STARD13: variants seen among roughly 807,000 people sequenced by gnomAD.
The protein encoded by STARD13 is stAR-related lipid transfer protein 13.
A neutral mutation model predicts 106.4 loss-of-function variants in STARD13; 62 were observed. The observed-to-expected ratio is 0.58, with a 90% confidence interval of 0.48 to 0.72. STARD13 has a LOEUF of 0.72. Ranked by LOEUF, STARD13 falls within the 30% of genes least tolerant of loss-of-function variation. STARD13 has a pLI of 0.00. For missense variants in STARD13, 1,387 were observed against 1,424.0 expected, an observed-to-expected ratio of 0.97 and a Z score of 0.42; for synonymous variants, 565 against 553.0, an observed-to-expected ratio of 1.02 and a Z score of -0.31.
At chr13:33,644,263 C>T in the STARD13 span, among the ~76,000 whole-genome samples, 2 of 152,230 alleles carry the variant, frequency 1.3e-5, no homozygotes, top group Non-Finnish European at 2.9e-5. Flanking sequence ...ACAACACTAA[C>T]ATCTTTCTAG....
chr13:33,385,367 A>G, the STARD13 span, among the ~76,000 whole-genome samples: 1 of 147,496 alleles, frequency 6.8e-6, no homozygotes, highest in South Asian at 2.1e-4. Context: ...CAGCTGTCCT[A>G]AACTGTGAGC....
the STARD13 span, among the ~76,000 whole-genome samples, chr13:33,428,178 A>C: frequency 6.6e-6 from 1 of 152,208 alleles, no homozygotes; most frequent in African/African-American, 2.4e-5. Flanking sequence ...AAAATGACTT[A>C]ATATGGATTA....
At chr13:33,372,747 G>A in the STARD13 span, among the ~76,000 whole-genome samples, 1 of 151,570 alleles carries the variant, frequency 6.6e-6, no homozygotes, top group Non-Finnish European at 1.5e-5. Flanking sequence ...AAAGGCCAGA[G>A]GGTGAGAAAG....
the STARD13 span, among the ~76,000 whole-genome samples, chr13:33,475,422 T>C: frequency 6.6e-6 from 1 of 152,208 alleles, no homozygotes; most frequent in African/African-American, 2.4e-5. Context: ...ACTCATTTTG[T>C]GTCCTACGCA....
chr13:33,606,227 G>A, the STARD13 span, among the ~76,000 whole-genome samples: 6 of 152,120 alleles, frequency 3.9e-5, no homozygotes, highest in Non-Finnish European at 8.8e-5. Flanking sequence ...CTTGGACTCC[G>A]GAGGTGGAGG....
the STARD13 span, among the ~76,000 whole-genome samples, chr13:33,611,768 ACTT>A: frequency 6.6e-6 from 1 of 152,204 alleles, no homozygotes; most frequent in Non-Finnish European, 1.5e-5. Context: ...TGAAATAAAA[ACTT>A]CTTAACTGAG....
chr13:33,424,862 C>A, the STARD13 span, among the ~76,000 whole-genome samples: 1 of 152,126 alleles, frequency 6.6e-6, no homozygotes, highest in African/African-American at 2.4e-5. Flanking sequence ...CAATGTTACT[C>A]AAAATAGACA....
chr13:33,362,281 G>A, the STARD13 span, among the ~76,000 whole-genome samples: 15 of 152,104 alleles, frequency 9.9e-5, no homozygotes, highest in South Asian at 4.1e-4. Context: ...GACAACCAGC[G>A]CTTGTGTGAA....
intron 1 of STARD13, among the ~76,000 whole-genome samples, chr13:33,312,755 T>G (rs1893190175): frequency 6.6e-6 from 1 of 152,206 alleles, no homozygotes; most frequent in South Asian, 2.1e-4. Flanking sequence ...GAAACTCTGC[T>G]GATTGAGTAT....
chr13:33,563,169 G>T, the STARD13 span, among the ~76,000 whole-genome samples: 1 of 146,528 alleles, frequency 6.8e-6, no homozygotes, highest in African/African-American at 2.6e-5. Context: ...GCAGCTCACA[G>T]ATCCAATTCA....
chr13:33,385,500 A>C, the STARD13 span, among the ~76,000 whole-genome samples: 343 of 147,236 alleles, frequency 2.3e-3, 1 homozygote, highest in African/African-American at 8.4e-3. Flanking sequence ...AATGACCAGC[A>C]TTTTTACCTG....
intron 1 of STARD13, among the ~76,000 whole-genome samples, chr13:33,309,988 G>T (rs1001388953): frequency 6.6e-6 from 1 of 152,106 alleles, no homozygotes; most frequent in African/African-American, 2.4e-5. Flanking sequence ...TTTATGTAGG[G>T]TCTATTGACA....
intron 1 of STARD13, among the ~76,000 whole-genome samples, chr13:33,260,260 T>A (rs1181453847): frequency 6.6e-6 from 1 of 152,194 alleles, no homozygotes; most frequent in African/African-American, 2.4e-5. Context: ...GGATTTCAAA[T>A]ATTCATTTGC....
intron 8 of STARD13, among the ~76,000 whole-genome samples, chr13:33,116,310 A>T (rs1383509839): frequency 1.3e-5 from 2 of 152,110 alleles, no homozygotes; most frequent in Non-Finnish European, 2.9e-5. Context: ...TGAAGCCCTC[A>T]TTCTTCATCT....
intron 1 of STARD13, among the ~76,000 whole-genome samples, chr13:33,181,076 A>C (rs866671236): frequency 1.3e-5 from 2 of 152,140 alleles, no homozygotes; most frequent in Non-Finnish European, 2.9e-5. Flanking sequence ...GAGGTTACAC[A>C]GCTTTCCTCA....
At chr13:33,602,021 G>A in the STARD13 span, among the ~76,000 whole-genome samples, 2 of 152,104 alleles carry the variant, frequency 1.3e-5, no homozygotes, top group African/African-American at 4.8e-5. Context: ...AGAATAAATA[G>A]GAGGATCTGG....
chr13:33,350,555 C>T (rs1207565569), exon 1 of STARD13: 1 of 1,408,054 alleles, frequency 7.1e-7, no homozygotes, highest in Non-Finnish European at 9.2e-7. Flanking sequence ...CGACATGGGT[C>T]GGTCCGGCGC....
At chr13:33,280,646 C>A (rs1441505334) in intron 1 of STARD13, 5 of 152,176 alleles carry the variant, frequency 3.3e-5, no homozygotes, top group South Asian at 2.1e-4. Flanking sequence ...ACAGACTGGA[C>A]TTCCTAACAT....
chr13:33,648,391 G>A, the STARD13 span, among the ~76,000 whole-genome samples: 4 of 152,196 alleles, frequency 2.6e-5, no homozygotes, highest in East Asian at 3.8e-4. Context: ...GGTTTCAGCC[G>A]ATCTGGGGTC....
Sources: gnomAD v4.1 joint callset for allele counts (sites outside exome capture counted in the v4.1 genomes callset) on GRCh38, gnomAD v4.1.1 for gene constraint, MANE v1.5 for transcripts, NCBI Gene and HGNC (gene_info 2026-07-23, HGNC 2026-07-21) for gene names.